Variants in GART observed in about 807,000 individuals in gnomAD.
GART encodes the protein trifunctional purine biosynthetic protein adenosine-3.
A neutral mutation model predicts 107.2 loss-of-function variants in GART; 43 were observed. The ratio of observed to expected loss-of-function variants is 0.40; its 90% CI spans 0.31 to 0.52. The LOEUF is 0.52. GART is among the 20% of genes least tolerant of loss of function. GART has a pLI of 0.52. For synonymous variants in GART, 434 were observed against 427.0 expected, an observed-to-expected ratio of 1.02 and a Z score of -0.20; for missense variants, 1,107 against 1,206.5, an observed-to-expected ratio of 0.92 and a Z score of 1.22.
At chr21:33,539,116 G>T in intron 2 of GART, 55 bp downstream of exon 2, 1 of 1,507,476 alleles carries the variant, frequency 6.6e-7, no homozygotes, top group Non-Finnish European at 9.1e-7. Context: ...ATGGTTGACA[G>T]CATACCATTA....
intron 20 of GART, among the ~76,000 whole-genome samples, 170 bp downstream of exon 20, chr21:33,505,390 CA>C (rs1280875411): frequency 1.3e-5 from 2 of 152,046 alleles, no homozygotes; most frequent in African/African-American, 4.8e-5. Context: ...TAGTGTAAAA[CA>C]AAGGAAATTA....
At chr21:33,532,699 T>A (rs185606027) in intron 4 of GART, among the ~76,000 whole-genome samples, 9 of 152,346 alleles carry the variant, frequency 5.9e-5, no homozygotes, top group Middle Eastern at 3.4e-3. Flanking sequence ...TGAGATTACA[T>A]AGGCAATATC....
intron 10 of GART, 146 bp downstream of exon 10, chr21:33,528,021 C>T (rs2085106770): frequency 4.6e-6 from 3 of 652,512 alleles, no homozygotes; most frequent in Non-Finnish European, 8.0e-6. Context: ...CACACATATC[C>T]AATAAGCAAC....
At chr21:33,521,075 A>C in intron 12 of GART, 60 bp from the exon 13 acceptor site, 1 of 1,367,398 alleles carries the variant, frequency 7.3e-7, no homozygotes, top group Admixed American at 1.8e-5. Context: ...GTAATTATTT[A>C]AATGTCTACT....
Position 33,528,339 on chromosome 21 carries a change from GA to G in GART, c.898-5del, listed in dbSNP as rs1001374285. 6.2e-7 allele frequency: 1 copy of G among 1,613,044 alleles called. No homozygotes were observed. The highest frequency in any genetic ancestry group is 8.5e-7 in the Non-Finnish European group (1 of 1,179,480). On this transcript the variant is annotated splice_polypyrimidine_tract_variant and splice_region_variant and intron_variant, in intron 9 of 21. Transcript: ENST00000381815. ...TTTTAAGAAGTGGGAGGATTACCTG[GA>G]AAAACATAATCCACATGGCAGGTGG...
At chr21:33,517,251 C>A in intron 15 of GART, 106 bp downstream of exon 15, 1 of 1,553,016 alleles carries the variant, frequency 6.4e-7, no homozygotes, top group Non-Finnish European at 8.8e-7. Context: ...AAGTAGCAAA[C>A]CAAGGTAATT....
Position 33,539,166 on chromosome 21 carries a change from A to G in GART, c.145+5T>C. ...CTATTACTCCCCACTTTAAAACATGATTACCGGTATTTGAAATCTTTTCAG... is the reference window on the plus strand; with the variant it reads ...CTATTACTCCCCACTTTAAAACATGGTTACCGGTATTTGAAATCTTTTCAG... On this transcript the variant is annotated splice_donor_5th_base_variant and intron_variant, in intron 2 of 21. Coordinates refer to ENST00000381815, the MANE Select transcript of GART (RefSeq NM_000819.5). 1 of 1,609,972 alleles carries G rather than the reference A, an allele frequency of 6.2e-7. No homozygotes were observed. The highest frequency in any genetic ancestry group is 8.5e-7 in the Non-Finnish European group (1 of 1,178,222).
rs561944366 is a variant in GART at position 33,504,070 on chromosome 21, T to C, written c.*54A>G. Reference sequence around the variant, plus strand: ...CCAAGTCCATGATAAAAAACCACCATGCAAACAGCAAATAATTCTTTCTAA... The same window carrying C: ...CCAAGTCCATGATAAAAAACCACCACGCAAACAGCAAATAATTCTTTCTAA... On this transcript the variant is annotated 3_prime_UTR_variant, in exon 22 of 22. Coordinates refer to ENST00000381815, the MANE Select transcript of GART (RefSeq NM_000819.5). 1.0e-5 allele frequency: 15 copies of C among 1,502,862 alleles called. No homozygotes were observed. The highest frequency in any genetic ancestry group is 2.8e-5 in the African/African-American group (2 of 71,570). 93.1% of individuals were successfully genotyped at this position (1,502,862 alleles called of 1,614,324 possible).
chr21:33,536,091 C>T (rs552841598), intron 2 of GART, among the ~76,000 whole-genome samples: 6 of 151,848 alleles, frequency 4.0e-5, no homozygotes, highest in South Asian at 2.1e-4. Context: ...GTTTACAATA[C>T]GCTGTAGGAA....
At chr21:33,519,319 C>T (rs893326255) in intron 14 of GART, among the ~76,000 whole-genome samples, 12 of 151,826 alleles carry the variant, frequency 7.9e-5, no homozygotes, top group African/African-American at 2.9e-4. Context: ...TTTGGGAGGC[C>T]GAGGCAGGCA....
chr21:33,538,098 G>A (rs2085336748), intron 2 of GART, among the ~76,000 whole-genome samples: 1 of 151,996 alleles, frequency 6.6e-6, no homozygotes, highest in African/African-American at 2.4e-5. Context: ...CAAAAAATTA[G>A]CTGGGTGTGG....
chr21:33,515,846 T>G (rs1275394411), intron 16 of GART, among the ~76,000 whole-genome samples: 1 of 152,084 alleles, frequency 6.6e-6, no homozygotes, highest in Non-Finnish European at 1.5e-5. Context: ...GGTATCTATG[T>G]CCAGCAAACT....
intron 10 of GART, among the ~76,000 whole-genome samples, chr21:33,527,609 T>TA (rs1045106900): frequency 1.3e-5 from 2 of 152,162 alleles, no homozygotes; most frequent in African/African-American, 4.8e-5. Context: ...CCTTTGGACT[T>TA]ACGGCACTGG....
chr21:33,530,590 A>C lies in GART; in HGVS notation c.723+169T>G, dbSNP rs2085166788. 3 of 626,130 alleles carry C rather than the reference A, an allele frequency of 4.8e-6. No individual in the cohort carries two copies. In the Admixed American group the frequency reaches 1.4e-4, roughly 28 times the overall value. The allele number at this position is 626,130 out of a possible 1,614,324, so 38.8% of individuals were successfully genotyped here. On this transcript the variant is annotated intron_variant, in intron 7 of 21. Coordinates refer to ENST00000381815, the MANE Select transcript of GART (RefSeq NM_000819.5). ...AGTTCTTCAAAAAAGGCTTTTAGGA[A>C]AAGTTAGTTTTAGAGACCAGAAAAG...
Position 33,519,221 on chromosome 21 carries a change from C to T in GART, c.1702+1143G>A, listed in dbSNP as rs549651634. The T allele has an allele frequency of 5.7e-5, 9 of 157,354 alleles. No individual in the cohort carries two copies. The East Asian group carries it at 1.7e-3, about 30-fold the overall frequency. The allele number at this position is 157,354 out of a possible 1,614,324, so 9.7% of individuals were successfully genotyped here. On this transcript the variant is annotated intron_variant, in intron 14 of 21. Coordinates refer to ENST00000381815, the MANE Select transcript of GART (RefSeq NM_000819.5). ...GATTAGATGCACACATGTGCAGATG[C>T]AAGATGGCACAATTTCTGGTTTAAA...
intron 5 of GART, chr21:33,531,997 C>A (rs551498997): frequency 2.7e-5 from 7 of 261,926 alleles, no homozygotes; most frequent in Admixed American, 1.5e-4. Flanking sequence ...CATATTCATT[C>A]ATTAATTTAC....
chr21:33,518,043 G>A (rs573754400), intron 14 of GART, among the ~76,000 whole-genome samples: 61 of 152,302 alleles, frequency 4.0e-4, no homozygotes, highest in African/African-American at 1.4e-3. Context: ...AAAAAGTATA[G>A]CATTTTACTT....
chr21:33,520,436 C>A lies in GART; in HGVS notation c.1630G>T (p.Asp544Tyr). 5 of 1,614,140 alleles carry A rather than the reference C, an allele frequency of 3.1e-6. No homozygotes were observed. Among genetic ancestry groups the A allele is most frequent in the Non-Finnish European group, 4.2e-6 (5 of 1,180,006 alleles). Reference protein sequence around the residue: ...FLDYFSCGKLDLSVTEAVVAG... With the variant: ...FLDYFSCGKLYLSVTEAVVAG... ...ACAACAGCTTCAGTTACACTGAGGT[C>A]AAGTTTTCCACAGGAAAAGTAATCA... The change falls in exon 14 of 22, where the codon GAC becomes TAC. Residue 544 changes from aspartate (D) to tyrosine (Y), a missense_variant. Asp to Tyr is a radical substitution (Grantham distance 160). Transcript: ENST00000381815.
intron 18 of GART, among the ~76,000 whole-genome samples, chr21:33,506,859 T>A (rs2084691357): frequency 6.6e-6 from 1 of 152,132 alleles, no homozygotes; most frequent in Non-Finnish European, 1.5e-5. Flanking sequence ...ATCAAAACTA[T>A]GACATATTGT....
Sources: gnomAD v4.1 joint callset for allele counts (sites outside exome capture counted in the v4.1 genomes callset) on GRCh38, gnomAD v4.1.1 for gene constraint, MANE v1.5 for transcripts, NCBI Gene and HGNC (gene_info 2026-07-23, HGNC 2026-07-21) for gene names.